The following CFAP418 variants were observed in gnomAD, a reference collection of about 807,000 sequenced individuals.
CFAP418 encodes the protein cilia and flagella associated protein 418.
Under a neutral mutation model 24.7 loss-of-function variants are expected in CFAP418, and 27 were observed. The observed-to-expected ratio is 1.09, with a 90% CI of 0.81 to 1.51. CFAP418 has a LOEUF of 1.51. Among genes scored for constraint, CFAP418 ranks in the 40% most tolerant of loss-of-function variants. CFAP418 has a pLI of 0.00. For synonymous variants in CFAP418, 74 were observed against 87.3 expected (o/e 0.85, Z 0.85); for missense variants, 257 against 255.2 (o/e 1.01, Z -0.05).
chr8:95,252,703 G>A (rs1415660536), intron 4 of CFAP418, among the ~76,000 whole-genome samples: 2 of 152,174 alleles, frequency 1.3e-5, no homozygotes, highest in Non-Finnish European at 2.9e-5. Flanking sequence ...AAATGAATCT[G>A]TTTTTCAGAT....
rs1466123786 is a variant in CFAP418, at chr8:95,260,458, C to A, written c.308+10G>T. 1 of 1,574,068 alleles carries A rather than the reference C, an allele frequency of 6.4e-7. No homozygotes were observed. Among genetic ancestry groups the A allele is most frequent in the Non-Finnish European group, 8.6e-7 (1 of 1,160,928 alleles). On this transcript the variant is annotated intron_variant, in intron 3 of 5. Coordinates refer to ENST00000286688, the MANE Select transcript of CFAP418 (RefSeq NM_177965.4). ...AGTGTGTATAATTCACCAAAGCAAT[C>A]TCAACTTACCTTTTACCAAGGCCTT... is the stretch of plus-strand genomic sequence containing the variant.
At position 95,247,140 on chromosome 8, in the gene CFAP418, G is replaced by A. The variant is rs1811635047; in HGVS notation, c.*477C>T. ...CCTTCAGTCAGCCACTGATCACCTG[G>A]TTTCTGCCATGTCCAAATTATGATC... On this transcript the variant is annotated 3_prime_UTR_variant, in exon 6 of 6. Transcript: ENST00000286688. The A allele has an allele frequency of 6.2e-6, 1 of 160,998 alleles. No homozygotes were observed. The highest frequency in any genetic ancestry group is 2.4e-5 in the African/African-American group (1 of 41,452). The allele number at this position is 160,998 out of a possible 1,614,324, so 10.0% of individuals were successfully genotyped here. A position where few individuals can be genotyped will look rare whatever the true frequency, so the allele number is the denominator to read the frequency against.
In CFAP418 at chr8:95,269,028, G is replaced by A. The variant is rs1373792971; in HGVS notation, c.155+7C>T. The A allele has an allele frequency of 7.4e-6, 12 of 1,613,420 alleles. No individual in the cohort carries two copies. Among genetic ancestry groups the A allele is most frequent in the Non-Finnish European group, 1.0e-5 (12 of 1,179,712 alleles). On this transcript the variant is annotated splice_region_variant and intron_variant, in intron 1 of 5. Coordinates refer to ENST00000286688, the MANE Select transcript of CFAP418 (RefSeq NM_177965.4). ...CCAGAACAGTCCACCCCTCCCGCCC[G>A]GTTAACCTGAGCGTCTCTTTCGCCT...
At chr8:95,248,515 A>G (rs1048659871) in intron 5 of CFAP418, among the ~76,000 whole-genome samples, 6 of 152,228 alleles carry the variant, frequency 3.9e-5, no homozygotes, top group African/African-American at 1.2e-4. Flanking sequence ...ATTAGCTTCA[A>G]TGATCTGTTT....
chr8:95,252,184 A>G lies in CFAP418; in HGVS notation c.470+4T>C, dbSNP rs1288287270. 6.2e-7 allele frequency: 1 copy of G among 1,603,412 alleles called. No individual in the cohort carries two copies. The highest frequency in any genetic ancestry group is 8.5e-7 in the Non-Finnish European group (1 of 1,172,848). On this transcript the variant is annotated splice_donor_region_variant and intron_variant, in intron 5 of 5. Coordinates refer to ENST00000286688, the MANE Select transcript of CFAP418 (RefSeq NM_177965.4). ...TTTCAGAGTGAAGTTCTTTAGCAAC[A>G]TACCTGAAAAACAGATAATCACACG...
chr8:95,253,219 A>G (rs1325429793), intron 4 of CFAP418, among the ~76,000 whole-genome samples: 2 of 152,130 alleles, frequency 1.3e-5, no homozygotes, highest in African/African-American at 4.8e-5. Flanking sequence ...CTGAGGCAGG[A>G]GAATGGCGTG....
intron 5 of CFAP418, 117 bp from the exon 6 acceptor site, chr8:95,247,887 A>T: frequency 9.4e-7 from 1 of 1,064,544 alleles, no homozygotes; most frequent in Non-Finnish European, 1.3e-6. Context: ...TAGGAGTCTC[A>T]TTGTTACTCA....
At chr8:95,265,665 T>G (rs936420082) in intron 1 of CFAP418, among the ~76,000 whole-genome samples, 36 of 152,328 alleles carry the variant, frequency 2.4e-4, no homozygotes, top group Admixed American at 2.2e-3. Context: ...AAGAATCAGA[T>G]ACATCCAAAC....
chr8:95,261,433 C>T (rs1196962939), intron 2 of CFAP418, among the ~76,000 whole-genome samples: 2 of 152,120 alleles, frequency 1.3e-5, no homozygotes, highest in Admixed American at 1.3e-4. Flanking sequence ...AGCTGGCACA[C>T]TCTGAGGTTT....
intron 4 of CFAP418, among the ~76,000 whole-genome samples, chr8:95,254,673 G>A (rs1316245982): frequency 6.6e-6 from 1 of 152,184 alleles, no homozygotes; most frequent in Non-Finnish European, 1.5e-5. Context: ...AGACACTGTG[G>A]TTCTCTGTTA....
intron 4 of CFAP418, among the ~76,000 whole-genome samples, chr8:95,256,682 G>A (rs1265764122): frequency 2.6e-5 from 4 of 152,182 alleles, no homozygotes; most frequent in Non-Finnish European, 4.4e-5. Flanking sequence ...CTAGCACAGG[G>A]TTTAGGACAT....
Position 95,245,989 on chromosome 8 carries a change from T to A in CFAP418, c.*1628A>T, listed in dbSNP as rs937969592. 1 of 149,632 alleles carries A rather than the reference T, an allele frequency of 6.7e-6. No individual in the cohort carries two copies. The highest frequency in any genetic ancestry group is 1.5e-5 in the Non-Finnish European group (1 of 67,166). The allele number at this position is 149,632 out of a possible 1,614,324, so 9.3% of individuals were successfully genotyped here. Reference sequence around the variant, plus strand: ...TATTAAAAGATAAAATCTGTCATAATGTCTTTTTTTTTTTTTTGAGACAGA... The same window carrying A: ...TATTAAAAGATAAAATCTGTCATAAAGTCTTTTTTTTTTTTTTGAGACAGA... On this transcript the variant is annotated 3_prime_UTR_variant, in exon 6 of 6. Transcript: ENST00000286688.
chr8:95,260,358 G>T (rs1351278375), intron 3 of CFAP418, 110 bp downstream of exon 3: 1 of 777,518 alleles, frequency 1.3e-6, no homozygotes, highest in Non-Finnish European at 2.1e-6. Context: ...GCCAACCAAT[G>T]CTTTGTTGTT....
At chr8:95,255,909 G>A (rs921272923) in intron 4 of CFAP418, among the ~76,000 whole-genome samples, 2 of 152,208 alleles carry the variant, frequency 1.3e-5, no homozygotes, top group African/African-American at 4.8e-5. Context: ...TGCAAATTCT[G>A]TTTCATGAAA....
At chr8:95,263,828 A>C in intron 1 of CFAP418, 54 bp from the exon 2 acceptor site, 1 of 1,001,594 alleles carries the variant, frequency 1.0e-6, no homozygotes, top group Non-Finnish European at 1.6e-6. Context: ...GAGCAGAGAA[A>C]GCTAGTATCA....
intron 4 of CFAP418, among the ~76,000 whole-genome samples, chr8:95,254,820 A>G (rs1811761988): frequency 6.6e-6 from 1 of 152,236 alleles, no homozygotes. Context: ...TATAATAGAA[A>G]GCATAATGGA....
At chr8:95,260,075 G>A (rs1369676695) in intron 3 of CFAP418, among the ~76,000 whole-genome samples, 170 bp from the exon 4 acceptor site, 3 of 152,152 alleles carry the variant, frequency 2.0e-5, no homozygotes, top group Non-Finnish European at 4.4e-5. Context: ...TTTATTGTAG[G>A]ATCACTGCTT....
chr8:95,252,012 ATG>A (rs1438523480), intron 5 of CFAP418, among the ~76,000 whole-genome samples, 174 bp downstream of exon 5: 2 of 138,404 alleles, frequency 1.4e-5, no homozygotes, highest in Admixed American at 1.4e-4. Context: ...TGGAACCACC[ATG>A]TATATATATA....
chr8:95,269,071 C>G lies in CFAP418; in HGVS notation c.119G>C (p.Ser40Thr), dbSNP rs374279423. The change falls in exon 1 of 6, where the codon AGC becomes ACC. Residue 40 changes from serine (S) to threonine (T), a missense_variant. By Grantham distance (58) the Ser-to-Thr change is moderately conservative (BLOSUM62 1). Coordinates refer to ENST00000286688, the MANE Select transcript of CFAP418 (RefSeq NM_177965.4). ...TTTCGCCTTGGCTTGGTTCCGGTCG[C>G]TACTGTGGGTGCCGCCGCCGCAGCC... is the stretch of plus-strand genomic sequence containing the variant. ...PKGCGGGTHSSDRNQAKAKET... is the reference protein window; with the variant it reads ...PKGCGGGTHSTDRNQAKAKET... 5 of 1,614,082 alleles carry G rather than the reference C, an allele frequency of 3.1e-6. No individual in the cohort carries two copies. The highest frequency in any genetic ancestry group is 2.5e-6 in the Non-Finnish European group (3 of 1,180,022).
Sources: allele counts gnomAD v4.1 joint callset (sites outside exome capture counted in the v4.1 genomes callset), GRCh38; gene constraint gnomAD v4.1.1; transcripts MANE v1.5; gene names NCBI Gene and HGNC (gene_info 2026-07-23, HGNC 2026-07-21).